MYT1: variants seen among roughly 807,000 people sequenced by gnomAD.
MYT1 encodes myelin transcription factor I.
Under a neutral mutation model 123.0 loss-of-function variants are expected in MYT1, and 23 were observed. That is an observed-to-expected ratio of 0.19 (90% CI 0.13 to 0.26). The LOEUF (loss-of-function observed/expected upper bound fraction) is 0.26. Ranked by LOEUF, MYT1 falls within the 10% of genes least tolerant of loss-of-function variation. The probability of loss-of-function intolerance (pLI) is 1.00; values close to 1 mark genes in which losing one functional copy is unlikely to be tolerated. For synonymous variants in MYT1, 518 were observed against 575.3 expected, an observed-to-expected ratio of 0.90 and a Z score of 1.43; for missense variants, 1,125 against 1,472.5, an observed-to-expected ratio of 0.76 and a Z score of 3.86.
chr20:64,215,706 T>C (rs1015000524), intron 10 of MYT1, among the ~76,000 whole-genome samples: 1 of 151,758 alleles, frequency 6.6e-6, no homozygotes, highest in Non-Finnish European at 1.5e-5. Flanking sequence ...CACCTCAGCC[T>C]CCCGAGTACC....
intron 16 of MYT1, among the ~76,000 whole-genome samples, chr20:64,225,044 C>T (rs188192004): frequency 7.0e-4 from 107 of 152,280 alleles, no homozygotes; most frequent in African/African-American, 2.5e-3. Context: ...GAAAGTGAAC[C>T]GCTCATCAGC....
In MYT1 at chr20:64,184,926, G is replaced by A. The variant is rs77466232; in HGVS notation, c.-98-5137G>A. The stretch of plus-strand genomic sequence containing the variant: ...ACAGGTGACCGACAAGGTCAGGGGC[G>A]AGTGTTTGCCACAGAAGGGGGTGAA... On this transcript the variant is annotated intron_variant, in intron 1 of 22. Transcript: ENST00000328439. Among the ~76,000 whole-genome samples the A allele has an allele frequency of 3.9e-3, 589 of 152,330 alleles. 5 individuals carry two copies. The highest frequency in any genetic ancestry group is 0.013 in the African/African-American group (557 of 41,572).
intron 10 of MYT1, among the ~76,000 whole-genome samples, chr20:64,215,195 G>A (rs1238602066): frequency 6.6e-6 from 1 of 152,148 alleles, no homozygotes; most frequent in Non-Finnish European, 1.5e-5. Context: ...ATGTCAAACC[G>A]CAGATTTGGC....
chr20:64,179,914 A>G (rs1982589474), intron 1 of MYT1, among the ~76,000 whole-genome samples: 1 of 145,708 alleles, frequency 6.9e-6, no homozygotes, highest in African/African-American at 2.6e-5. Context: ...TGCATGCTCT[A>G]TACAGTTATA....
chr20:64,227,423 C>T lies in MYT1; in HGVS notation c.2537C>T (p.Thr846Met), dbSNP rs766920044. 13 of 1,612,606 alleles carry T rather than the reference C, an allele frequency of 8.1e-6. No individual in the cohort carries two copies. The highest frequency in any genetic ancestry group is 2.2e-5 in the East Asian group (1 of 44,890). Reference protein sequence around the residue: ...AAHSADLKCPTPGCDGSGHIT... With the variant: ...AAHSADLKCPMPGCDGSGHIT... ...TCTGCTTCCCTCTGCAGGTGCCCCA[C>T]GCCCGGCTGTGACGGCTCTGGCCAC... is the stretch of plus-strand genomic sequence containing the variant. The change falls in exon 17 of 23, where the codon ACG becomes ATG. Residue 846 changes from threonine to methionine, a missense_variant. Thr to Met is a moderately conservative substitution (Grantham distance 81, BLOSUM62 -1). Around this residue, in one of 4 missense-constraint regions of MYT1, gnomAD observed 47 missense variants for 113.1 expected, o/e 0.42. Transcript: ENST00000328439.
intron 1 of MYT1, among the ~76,000 whole-genome samples, chr20:64,183,350 C>A (rs1982706248): frequency 6.6e-6 from 1 of 152,172 alleles, no homozygotes; most frequent in Non-Finnish European, 1.5e-5. Flanking sequence ...TGTGTACAAG[C>A]CTTTATGTGA....
chr20:64,187,193 C>T (rs1350871992), intron 1 of MYT1, among the ~76,000 whole-genome samples: 8 of 143,326 alleles, frequency 5.6e-5, no homozygotes, highest in Non-Finnish European at 1.1e-4. Flanking sequence ...TCCACGTTTC[C>T]GTGGAGACTT....
intron 1 of MYT1, among the ~76,000 whole-genome samples, chr20:64,170,957 T>TGGCTGGA (rs1982260874): frequency 7.1e-6 from 1 of 140,178 alleles, no homozygotes; most frequent in African/African-American, 2.6e-5. Context: ...TCTGTTGGCC[T>TGGCTGGA]GGCTGGAGTG....
At chr20:64,230,742 G>T (rs1305254190) in intron 18 of MYT1, among the ~76,000 whole-genome samples, 2 of 152,216 alleles carry the variant, frequency 1.3e-5, no homozygotes, top group Non-Finnish European at 2.9e-5. Flanking sequence ...CTCTGCTCTG[G>T]ACGGGGATGA....
chr20:64,173,335 G>C lies in MYT1; in HGVS notation c.-99+8596G>C, dbSNP rs13042365. 8.2e-3 allele frequency among the ~76,000 whole-genome samples: 1,243 copies of C among 152,268 alleles called. 8 individuals are homozygous for C. The highest frequency in any genetic ancestry group is 0.027 in the Middle Eastern group (8 of 294). On this transcript the variant is annotated intron_variant, in intron 1 of 22. Coordinates refer to ENST00000328439, the MANE Select transcript of MYT1 (RefSeq NM_004535.3). ...AGAGGTGGGCTGTTGGACAGGTGCG[G>C]CTGATAGAGTGGGTGTCTTTTGTGG...
chr20:64,240,043 C>T, intron 22 of MYT1, 140 bp downstream of exon 22: 1 of 1,320,432 alleles, frequency 7.6e-7, no homozygotes, highest in East Asian at 2.3e-5. Flanking sequence ...ATTCTCTCCA[C>T]CCCGAATGGC....
Position 64,185,975 on chromosome 20 carries a change from G to T in MYT1, c.-98-4088G>T, listed in dbSNP as rs879474564. Among the ~76,000 whole-genome samples the T allele has an allele frequency of 6.6e-6, 1 of 152,206 alleles. No individual in the cohort carries two copies. The highest frequency in any genetic ancestry group is 1.5e-5 in the Non-Finnish European group (1 of 68,032). On this transcript the variant is annotated intron_variant, in intron 1 of 22. Coordinates refer to ENST00000328439, the MANE Select transcript of MYT1 (RefSeq NM_004535.3). This position sits in a 1 kb window ranked among gnomAD's most constrained non-coding sequence, Gnocchi z 4.5. ...CTGGTCTCCAGTTTGCAGTGCTGCTGAGTTGGAAAAAGAGGGCTTCATTAG... is the reference window on the plus strand; with the variant it reads ...CTGGTCTCCAGTTTGCAGTGCTGCTTAGTTGGAAAAAGAGGGCTTCATTAG...
Position 64,188,068 on chromosome 20 carries a change from G to A in MYT1, c.-98-1995G>A, listed in dbSNP as rs115646733. ...CCAGGGCTGACTGACCTAGGGACAG[G>A]AGTGTAAGGGATGTGGGCAACGAAG... On this transcript the variant is annotated intron_variant, in intron 1 of 22. Transcript: ENST00000328439. Among the ~76,000 whole-genome samples, 867 of 152,318 alleles carry A rather than the reference G, an allele frequency of 5.7e-3. 10 individuals are homozygous for A. The highest frequency in any genetic ancestry group is 0.02 in the African/African-American group (812 of 41,560).
In MYT1 at chr20:64,198,593, C is replaced by T. The variant is rs1023648837; in HGVS notation, c.1-269C>T. ...GTTGGCAGGTGCAAACCTGGGGGCA[C>T]GGTGCACTGTACCCTCCTTGCCAAG... On this transcript the variant is annotated intron_variant, in intron 2 of 22. Transcript: ENST00000328439. Among the ~76,000 whole-genome samples, 3 of 152,344 alleles carry T rather than the reference C, an allele frequency of 2.0e-5. No individual in the cohort carries two copies. In the East Asian group the frequency reaches 5.8e-4, roughly 29 times the overall value.
intron 19 of MYT1, among the ~76,000 whole-genome samples, chr20:64,235,536 G>A (rs1161001697): frequency 7.4e-6 from 1 of 134,440 alleles, no homozygotes; most frequent in Non-Finnish European, 1.6e-5. Context: ...TATGTGACCC[G>A]GGGCTGGCCG....
At position 64,202,488 on chromosome 20, in the gene MYT1, C is replaced by T. The variant is rs1395726700; in HGVS notation, c.87-2547C>T. Among the ~76,000 whole-genome samples, 3 of 152,148 alleles carry T rather than the reference C, an allele frequency of 2.0e-5. No individual in the cohort carries two copies. The highest frequency in any genetic ancestry group is 4.4e-5 in the Non-Finnish European group (3 of 68,040). ...GGCGCTGACAACACCGAGTTCAGGA[C>T]CATCTCCAAGTTCAGAGAGAGAACA... On this transcript the variant is annotated intron_variant, in intron 4 of 22. Coordinates refer to ENST00000328439, the MANE Select transcript of MYT1 (RefSeq NM_004535.3). This position sits in a 1 kb window ranked among gnomAD's most constrained non-coding sequence, Gnocchi z 5.0.
intron 14 of MYT1, among the ~76,000 whole-genome samples, chr20:64,222,352 C>A (rs564536447): frequency 1.9e-4 from 29 of 152,238 alleles, no homozygotes; most frequent in Non-Finnish European, 3.8e-4. Flanking sequence ...CCTCAGAGAG[C>A]TCTGCAGGAA....
At chr20:64,171,478 T>G (rs1257582122) in intron 1 of MYT1, among the ~76,000 whole-genome samples, 1 of 152,228 alleles carries the variant, frequency 6.6e-6, no homozygotes, top group Non-Finnish European at 1.5e-5. Context: ...CTGGGCTTTG[T>G]CTGGCTGCAA....
In MYT1 at chr20:64,168,415, A is replaced by G. The variant is rs1289522954; in HGVS notation, c.-99+3676A>G. 6.6e-6 allele frequency among the ~76,000 whole-genome samples: 1 copy of G among 151,926 alleles called. No homozygotes were observed. Among genetic ancestry groups the G allele is most frequent in the Non-Finnish European group, 1.5e-5 (1 of 67,964 alleles). On this transcript the variant is annotated intron_variant, in intron 1 of 22. Transcript: ENST00000328439. The surrounding 1 kb of genome is among the most constrained non-coding windows in gnomAD (Gnocchi z 6.1). ...CACCCATCACTTCATCCTTTTTTTT[A>G]TTTTACAATTTGCACTTAAAAATGC...
Sources: allele counts gnomAD v4.1 joint callset (sites outside exome capture counted in the v4.1 genomes callset), GRCh38; gene constraint gnomAD v4.1.1; regional missense constraint gnomAD v4.1.1; non-coding constraint Gnocchi (gnomAD v3.1); transcripts MANE v1.5; gene names NCBI Gene and HGNC (gene_info 2026-07-23, HGNC 2026-07-21).